KCNT2: variants seen among roughly 807,000 people sequenced by gnomAD.
KCNT2 encodes the protein potassium channel subfamily T member 2.
KCNT2 carries 67 observed loss-of-function variants against 153.8 expected under a neutral mutation model. The ratio of observed to expected loss-of-function variants is 0.44; its 90% confidence interval spans 0.36 to 0.53. The LOEUF (loss-of-function observed/expected upper bound fraction) is 0.53, where lower values mean the gene tolerates loss of function less well. KCNT2 is among the 20% of genes least tolerant of loss of function. KCNT2 has a pLI of 0.00. For synonymous variants in KCNT2, 500 were observed against 458.8 expected (o/e 1.09, Z -1.15); for missense variants, 975 against 1,354.8 (o/e 0.72, Z 4.40).
At chr1:196,287,607 T>G (rs1471293518) in intron 22 of KCNT2, among the ~76,000 whole-genome samples, 2 of 152,134 alleles carry the variant, frequency 1.3e-5, no homozygotes, top group South Asian at 2.1e-4. Context: ...ATCCTATTGA[T>G]ACCACCTTAA....
At chr1:196,237,789 A>C (rs1211241335) in intron 26 of KCNT2, among the ~76,000 whole-genome samples, 1 of 151,848 alleles carries the variant, frequency 6.6e-6, no homozygotes, top group African/African-American at 2.4e-5. Flanking sequence ...TTAGATGGCT[A>C]AGTTAACTGT....
At chr1:196,580,681 A>T (rs1051951034) in intron 1 of KCNT2, among the ~76,000 whole-genome samples, 4 of 152,176 alleles carry the variant, frequency 2.6e-5, no homozygotes, top group East Asian at 1.9e-4. Flanking sequence ...TAATTACTGT[A>T]TTGGAAGAAT....
chr1:196,259,932 C>G (rs1356596465), intron 25 of KCNT2, among the ~76,000 whole-genome samples: 1 of 151,804 alleles, frequency 6.6e-6, no homozygotes, highest in Non-Finnish European at 1.5e-5. Flanking sequence ...TAACTCTATT[C>G]TCACCTACTT....
At chr1:196,390,515 T>A (rs2148409009) in intron 13 of KCNT2, among the ~76,000 whole-genome samples, 1 of 151,628 alleles carries the variant, frequency 6.6e-6, no homozygotes, top group East Asian at 1.9e-4. Context: ...ATTTCCATTA[T>A]GATAGCACTC....
Position 196,225,859 on chromosome 1 carries a change from C to T in KCNT2, c.*2365G>A, listed in dbSNP as rs547156504. ...GTAGCAAAATGGTACAGACAATAAA[C>T]AGAATCAATTCCCATTGGGCTACAA... On this transcript the variant is annotated 3_prime_UTR_variant, in exon 28 of 28. Coordinates refer to ENST00000294725, the MANE Select transcript of KCNT2 (RefSeq NM_198503.5). 1 of 152,068 alleles carries T rather than the reference C, an allele frequency of 6.6e-6. No individual in the cohort carries two copies. The highest frequency in any genetic ancestry group is 2.1e-4 in the South Asian group (1 of 4,824). 9.4% of individuals were successfully genotyped at this position (152,068 alleles called of 1,614,324 possible).
intron 1 of KCNT2, among the ~76,000 whole-genome samples, chr1:196,584,177 A>AAATAAAATAAAATAAAATAAAATAC (rs1249751061): frequency 6.6e-6 from 1 of 150,632 alleles, no homozygotes; most frequent in African/African-American, 2.4e-5. Context: ...AGATAAAATA[A>AAATAAAATAAAATAAAATAAAATAC]AATAAAATAA....
chr1:196,334,104 T>G (rs754724555), intron 16 of KCNT2, 44 bp from the exon 17 acceptor site: 12 of 1,250,634 alleles, frequency 9.6e-6, no homozygotes, highest in Admixed American at 1.7e-5. Flanking sequence ...GTTTGCCATA[T>G]TGATCACTAG....
chr1:196,598,839 C>T (rs1664388819), intron 1 of KCNT2, among the ~76,000 whole-genome samples: 1 of 152,124 alleles, frequency 6.6e-6, no homozygotes, highest in Non-Finnish European at 1.5e-5. Context: ...ATGTAACATG[C>T]TTAGAAAAAT....
intron 5 of KCNT2, among the ~76,000 whole-genome samples, chr1:196,471,149 C>T (rs1459422466): frequency 2.6e-5 from 4 of 151,822 alleles, no homozygotes; most frequent in Admixed American, 1.3e-4. Flanking sequence ...CCTCGTGATC[C>T]GCCCGCCTCG....
intron 13 of KCNT2, among the ~76,000 whole-genome samples, chr1:196,397,855 GAT>G (rs1390942859): frequency 6.6e-6 from 1 of 151,320 alleles, no homozygotes; most frequent in Non-Finnish European, 1.5e-5. Flanking sequence ...AAACTTTTAA[GAT>G]AGAATATAAT....
rs111873441 is a variant in KCNT2 at position 196,498,767 on chromosome 1, C to T, written c.96-6426G>A. Among the ~76,000 whole-genome samples the T allele has an allele frequency of 1.5e-3, 231 of 152,174 alleles. 2 individuals are homozygous for T. Among genetic ancestry groups the T allele is most frequent in the African/African-American group, 5.4e-3 (223 of 41,550 alleles). ...TGATCAGTAAGGAGAAAGCATACTG[C>T]CAAGGTTATCTCACTCTGTTTTCAC... On this transcript the variant is annotated intron_variant, in intron 1 of 27. Transcript: ENST00000294725.
chr1:196,428,024 G>T (rs552854652), intron 10 of KCNT2, 81 bp downstream of exon 10: 2 of 1,049,768 alleles, frequency 1.9e-6, no homozygotes, highest in East Asian at 2.4e-5. Context: ...CCACAAAGCA[G>T]GCTGCACCAT....
At chr1:196,354,999 C>A (rs960021677) in intron 14 of KCNT2, among the ~76,000 whole-genome samples, 2 of 151,678 alleles carry the variant, frequency 1.3e-5, no homozygotes, top group African/African-American at 4.8e-5. Context: ...TCTGACAAAT[C>A]GTAGCCAGTT....
At chr1:196,552,102 A>G (rs1657986490) in intron 1 of KCNT2, among the ~76,000 whole-genome samples, 2 of 151,486 alleles carry the variant, frequency 1.3e-5, no homozygotes, top group Admixed American at 1.3e-4. Flanking sequence ...TCACATAGTT[A>G]CCTACAAAAT....
intron 21 of KCNT2, among the ~76,000 whole-genome samples, chr1:196,310,478 A>G (rs1571993812): frequency 1.3e-5 from 2 of 152,042 alleles, no homozygotes; most frequent in South Asian, 4.1e-4. Flanking sequence ...ACCATCACCA[A>G]TCTAAACATT....
At chr1:196,433,896 A>C (rs994704445) in intron 8 of KCNT2, among the ~76,000 whole-genome samples, 2 of 152,048 alleles carry the variant, frequency 1.3e-5, no homozygotes, top group African/African-American at 4.8e-5. Context: ...CAAGAGACAG[A>C]AGAGAGAAAG....
chr1:196,265,049 T>A (rs1657405088), intron 25 of KCNT2, among the ~76,000 whole-genome samples: 1 of 152,098 alleles, frequency 6.6e-6, no homozygotes, highest in African/African-American at 2.4e-5. Context: ...AAAGCCTCAT[T>A]ATATGAGTTG....
At position 196,331,195 on chromosome 1, in the gene KCNT2, AAGG is replaced by A; in HGVS notation, c.2061_2063del (p.Leu688del). 1 of 1,609,446 alleles carries A rather than the reference AAGG, an allele frequency of 6.2e-7. No individual in the cohort carries two copies. The stretch of plus-strand genomic sequence containing the variant: ...AGCAGCAAAATGGTACTTTTTCATG[AAGG>A]AGATGACAAAAAGTGGGTGAACTTC... On this transcript the variant is annotated inframe_deletion, in exon 18 of 28. Transcript: ENST00000294725.
intron 12 of KCNT2, among the ~76,000 whole-genome samples, chr1:196,402,395 T>A (rs959096607): frequency 6.6e-6 from 1 of 151,476 alleles, no homozygotes; most frequent in Non-Finnish European, 1.5e-5. Context: ...AACAATAACA[T>A]AAGAGACAGT....
Sources: allele counts gnomAD v4.1 joint callset (sites outside exome capture counted in the v4.1 genomes callset), GRCh38; gene constraint gnomAD v4.1.1; transcripts MANE v1.5; gene names NCBI Gene and HGNC (gene_info 2026-07-23, HGNC 2026-07-21).